Variants in PSMC3 observed in about 807,000 individuals in gnomAD.
The protein encoded by PSMC3 is proteasome 26S subunit, ATPase 3.
PSMC3 carries 11 observed loss-of-function variants against 52.0 expected under a neutral mutation model. That is an observed-to-expected ratio of 0.21 (90% CI 0.13 to 0.35). The LOEUF (loss-of-function observed/expected upper bound fraction) is 0.35. Ranked by LOEUF, PSMC3 falls within the 10% of genes least tolerant of loss-of-function variation. PSMC3 has a pLI of 1.00. For missense variants in PSMC3, 238 were observed against 567.1 expected (o/e 0.42, Z 5.89); for synonymous variants, 201 against 218.8 (o/e 0.92, Z 0.72).
intron 10 of PSMC3, among the ~76,000 whole-genome samples, chr11:47,419,714 C>T (rs1432862378): frequency 1.3e-5 from 2 of 152,018 alleles, no homozygotes; most frequent in African/African-American, 4.8e-5. Flanking sequence ...AAAAAATTAG[C>T]CGGGCGTGGT....
chr11:47,423,410 A>G (rs2096042996), intron 6 of PSMC3, among the ~76,000 whole-genome samples: 1 of 151,840 alleles, frequency 6.6e-6, no homozygotes, highest in Non-Finnish European at 1.5e-5. Context: ...GTCACAAAAA[A>G]AAAAAAAAGA....
chr11:47,419,744 A>C (rs554382900), intron 10 of PSMC3, among the ~76,000 whole-genome samples: 1 of 152,172 alleles, frequency 6.6e-6, no homozygotes, highest in East Asian at 1.9e-4. Context: ...CTGTAGTCCC[A>C]GCTACTCGGG....
chr11:47,425,684 C>A (rs2096045553), intron 2 of PSMC3, 183 bp downstream of exon 2: 2 of 585,838 alleles, frequency 3.4e-6, no homozygotes, highest in African/African-American at 1.9e-5. Context: ...CTCCCACCAC[C>A]CCCTACCTGT....
At chr11:47,425,993 A>T in intron 1 of PSMC3, 43 bp from the exon 2 acceptor site, 2 of 1,565,048 alleles carry the variant, frequency 1.3e-6, no homozygotes, top group Non-Finnish European at 1.8e-6. Flanking sequence ...ACTTTTACTC[A>T]GGACAAGCAT....
rs1340810913 is a variant in PSMC3, at chr11:47,426,266, G to A, written c.14C>T (p.Pro5Leu). 5 of 1,554,536 alleles carry A rather than the reference G, an allele frequency of 3.2e-6. No individual in the cohort carries two copies. The highest frequency in any genetic ancestry group is 1.2e-5 in the South Asian group (1 of 84,264). ...CCGAGTCACTGGACTCTCAATATTC[G>A]GCAGCAGATTCATTTCCTGGAGGAG... MNLL[P>L]NIESPVTRQE... is the part of the protein sequence containing the mutation. Residue 5 changes from proline to leucine, a missense_variant, in exon 1 of 12, where the codon CCG becomes CTG. Physicochemically the swap from Pro to Leu is moderately conservative, Grantham distance 98 (BLOSUM62 -3). Transcript: ENST00000298852.
Position 47,424,476 on chromosome 11 carries a change from C to G in PSMC3, c.406G>C (p.Val136Leu). 1 of 1,614,198 alleles carries G rather than the reference C, an allele frequency of 6.2e-7. No individual in the cohort carries two copies. ...TSTRQTYFLP[V>L]IGLVDAEKLK... ...TTTTCAGCATCCACCAACCCAATCA[C>G]AGGAAGGAAGTACGTCTGTGGACAA... is the stretch of plus-strand genomic sequence containing the variant. Residue 136 changes from valine to leucine, a missense_variant, in exon 5 of 12, where the codon GTG becomes CTG. This residue lies in a region of PSMC3 where 60 missense variants were observed against 117.3 expected (regional missense o/e 0.51). Coordinates refer to ENST00000298852, the MANE Select transcript of PSMC3 (RefSeq NM_002804.5). The surrounding 1 kb of genome is among the most constrained non-coding windows in gnomAD (Gnocchi z 4.8).
chr11:47,421,187 T>G (rs1248068993), intron 8 of PSMC3, among the ~76,000 whole-genome samples: 1 of 122,788 alleles, frequency 8.1e-6, no homozygotes, highest in African/African-American at 3.1e-5. Context: ...GAGGTGGAGG[T>G]TGCAGTGAGC....
rs534946342 is a variant in PSMC3 at position 47,422,321 on chromosome 11, C to T, written c.884+253G>A. On this transcript the variant is annotated intron_variant, in intron 8 of 11. Coordinates refer to ENST00000298852, the MANE Select transcript of PSMC3 (RefSeq NM_002804.5). The surrounding 1 kb of genome is among the most constrained non-coding windows in gnomAD (Gnocchi z 4.3). The stretch of plus-strand genomic sequence containing the variant: ...CCTCCCAAAGTGCTGGGATTACAGG[C>T]GTGAGCCACCGTGCCCGGCCCAGAT... 7.0e-4 allele frequency among the ~76,000 whole-genome samples: 107 copies of T among 152,238 alleles called. No homozygotes were observed. The highest frequency in any genetic ancestry group is 2.2e-3 in the African/African-American group (91 of 41,534).
In PSMC3 at chr11:47,424,103, G is replaced by A. The variant is rs757028964; in HGVS notation, c.534C>T (p.Asp178=). ...YDSRVKAMEV[D]ERPTEQYSDI... is the part of the protein sequence containing the mutation. ...CACTGTATTGCTCCGTGGGCCTCTC[G>A]TCTACCTCCATGGCCTTCACCCGCG... The change falls in exon 6 of 12, where the codon GAC becomes GAT. Residue 178 remains aspartate (D), a synonymous_variant. Coordinates refer to ENST00000298852, the MANE Select transcript of PSMC3 (RefSeq NM_002804.5). The surrounding 1 kb of genome is among the most constrained non-coding windows in gnomAD (Gnocchi z 4.8). 6.2e-6 allele frequency: 10 copies of A among 1,614,000 alleles called. 1 individual carries two copies. The highest frequency in any genetic ancestry group is 8.5e-6 in the Non-Finnish European group (10 of 1,180,032).
chr11:47,420,496 G>T, intron 9 of PSMC3, 87 bp from the exon 10 acceptor site: 1 of 1,534,216 alleles, frequency 6.5e-7, no homozygotes, highest in Non-Finnish European at 8.9e-7. Flanking sequence ...GCAGCCCCCA[G>T]AGTGCAGGTG....
At chr11:47,421,507 G>A (rs752815044) in intron 8 of PSMC3, among the ~76,000 whole-genome samples, 3 of 152,076 alleles carry the variant, frequency 2.0e-5, no homozygotes, top group South Asian at 2.1e-4. Context: ...GGCCTGAAAC[G>A]CAGGAAGCAC....
rs1565677329 is a variant in PSMC3 at position 47,426,258 on chromosome 11, C to CAAT, written c.19_21dup (p.Ile7dup). 2 of 1,555,762 alleles carry CAAT rather than the reference C, an allele frequency of 1.3e-6. No individual in the cohort carries two copies. Among genetic ancestry groups the CAAT allele is most frequent in the African/African-American group, 1.4e-5 (1 of 73,492 alleles). Reference sequence around the variant, plus strand: ...TTCTCCTGCCGAGTCACTGGACTCTCAATATTCGGCAGCAGATTCATTTCC... The same window carrying CAAT: ...TTCTCCTGCCGAGTCACTGGACTCTCAATAATATTCGGCAGCAGATTCATTTCC... On this transcript the variant is annotated inframe_insertion, in exon 1 of 12. Transcript: ENST00000298852.
intron 8 of PSMC3, among the ~76,000 whole-genome samples, chr11:47,421,859 C>T (rs965174078): frequency 2.0e-5 from 3 of 151,866 alleles, no homozygotes; most frequent in Non-Finnish European, 2.9e-5. Context: ...ACCATGTTGG[C>T]CAGGCTGGTC....
Position 47,422,953 on chromosome 11 carries a change from C to T in PSMC3, c.612G>A (p.Leu204=). ...CAAACTTCTCCTTGTGGTTCATTGG[C>T]AAGACAATGGCCTCCACCAGCTGCC... ...QIQELVEAIV[L]PMNHKEKFEN... is the part of the protein sequence containing the mutation. Residue 204 remains leucine (L), a synonymous_variant, in exon 7 of 12, where the codon TTG becomes TTA. Coordinates refer to ENST00000298852, the MANE Select transcript of PSMC3 (RefSeq NM_002804.5). The surrounding 1 kb of genome is among the most constrained non-coding windows in gnomAD (Gnocchi z 4.3). 6.2e-7 allele frequency: 1 copy of T among 1,612,382 alleles called. No homozygotes were observed. The highest frequency in any genetic ancestry group is 8.5e-7 in the Non-Finnish European group (1 of 1,179,134).
At position 47,425,243 on chromosome 11, in the gene PSMC3, TGATCTGA is replaced by T; in HGVS notation, c.160-4_162del. Reference sequence around the variant, plus strand: ...GTGACTCTCAACACTTCACTCTTCATGATCTGAGATCAGGAGGGGAGGAGAAGCAAAT... The same window carrying T: ...GTGACTCTCAACACTTCACTCTTCATGATCAGGAGGGGAGGAGAAGCAAAT... On this transcript the variant is annotated splice_acceptor_variant and splice_polypyrimidine_tract_variant and coding_sequence_variant and intron_variant, in exon 3 of 12. Transcript: ENST00000298852. LOFTEE classifies it high-confidence loss of function. 1 of 1,614,130 alleles carries T rather than the reference TGATCTGA, an allele frequency of 6.2e-7. No individual in the cohort carries two copies. Among genetic ancestry groups the T allele is most frequent in the Non-Finnish European group, 8.5e-7 (1 of 1,180,010 alleles).
At chr11:47,421,739 G>A (rs939081588) in intron 8 of PSMC3, among the ~76,000 whole-genome samples, 10 of 150,168 alleles carry the variant, frequency 6.7e-5, no homozygotes, top group South Asian at 2.1e-4. Context: ...TGCAACCTCC[G>A]CCTCCCAAGT....
At chr11:47,423,490 A>G (rs1008039957) in intron 6 of PSMC3, among the ~76,000 whole-genome samples, 7 of 151,756 alleles carry the variant, frequency 4.6e-5, no homozygotes. Flanking sequence ...ATGGCAGAAA[A>G]GACACCGGGC....
In PSMC3 at chr11:47,426,074, TG is replaced by T. The variant is rs2153304286; in HGVS notation, c.76-125del. 2.1e-6 allele frequency: 3 copies of T among 1,402,640 alleles called. No individual in the cohort carries two copies. The South Asian group carries it at 3.7e-5, about 17-fold the overall frequency. The allele number at this position is 1,402,640 out of a possible 1,614,324, so 86.9% of individuals were successfully genotyped here. A position where few individuals can be genotyped will look rare whatever the true frequency, so the allele number is the denominator to read the frequency against. On this transcript the variant is annotated intron_variant, in intron 1 of 11. Coordinates refer to ENST00000298852, the MANE Select transcript of PSMC3 (RefSeq NM_002804.5). ...AAAACCAGGATGGAGTCAGGACCCC[TG>T]CCCACATCCCAAACAACCCCGTCCC...
At chr11:47,425,283 C>T (rs781563026) in intron 2 of PSMC3, 37 bp from the exon 3 acceptor site, 18 of 1,612,706 alleles carry the variant, frequency 1.1e-5, no homozygotes, top group Non-Finnish European at 1.4e-5. Flanking sequence ...AATATAAACC[C>T]TGGCACAGCT....
Sources: allele counts gnomAD v4.1 joint callset (sites outside exome capture counted in the v4.1 genomes callset), GRCh38; gene constraint gnomAD v4.1.1; regional missense constraint gnomAD v4.1.1; non-coding constraint Gnocchi (gnomAD v3.1); transcripts MANE v1.5; gene names NCBI Gene and HGNC (gene_info 2026-07-23, HGNC 2026-07-21).